The following PARVA variants were observed in gnomAD, a reference collection of about 807,000 sequenced individuals.
PARVA encodes parvin alpha, also known as alpha-parvin.
PARVA carries 25 observed loss-of-function variants against 52.6 expected under a neutral mutation model. That is an observed-to-expected ratio of 0.48 (90% CI 0.35 to 0.66). The LOEUF (loss-of-function observed/expected upper bound fraction) is 0.66. Ranked by LOEUF, PARVA falls within the 30% of genes least tolerant of loss-of-function variation. The pLI is 0.01. For synonymous variants in PARVA, 185 were observed against 179.1 expected (o/e 1.03, Z -0.26); for missense variants, 373 against 450.9 (o/e 0.83, Z 1.56).
Position 12,406,892 on chromosome 11 carries a change from G to A in PARVA, c.136+29109G>A, listed in dbSNP as rs188975089. Among the ~76,000 whole-genome samples the A allele has an allele frequency of 1.3e-3, 194 of 151,882 alleles. 1 individual carries two copies. The highest frequency in any genetic ancestry group is 6.8e-3 in the Middle Eastern group (2 of 292). On this transcript the variant is annotated intron_variant, in intron 1 of 12. Coordinates refer to ENST00000334956, the MANE Select transcript of PARVA (RefSeq NM_018222.5). ...TCACCATGTTAGCCAGGATCGTCTCGATCTCCTGACCTCATGATCCACCTG... is the reference window on the plus strand; with the variant it reads ...TCACCATGTTAGCCAGGATCGTCTCAATCTCCTGACCTCATGATCCACCTG...
intron 1 of PARVA, among the ~76,000 whole-genome samples, chr11:12,438,019 G>A (rs966580128): frequency 1.3e-5 from 2 of 152,144 alleles, no homozygotes; most frequent in Non-Finnish European, 2.9e-5. Context: ...CCAGCACTTT[G>A]GGAGGCCGAG....
intron 1 of PARVA, among the ~76,000 whole-genome samples, chr11:12,401,283 TAATA>T (rs1939823961): frequency 6.6e-6 from 1 of 152,208 alleles, no homozygotes; most frequent in Non-Finnish European, 1.5e-5. Context: ...AAAGCTATGT[TAATA>T]AATATCTACA....
intron 6 of PARVA, among the ~76,000 whole-genome samples, chr11:12,505,175 A>C (rs1941418980): frequency 6.6e-6 from 1 of 152,150 alleles, no homozygotes; most frequent in South Asian, 2.1e-4. Context: ...CATTTAGCAA[A>C]AGGTCATCCT....
intron 1 of PARVA, among the ~76,000 whole-genome samples, chr11:12,455,622 T>C (rs186991897): frequency 9.8e-5 from 15 of 152,292 alleles, no homozygotes; most frequent in Non-Finnish European, 1.8e-4. Context: ...TTCTCATCTA[T>C]TTTTTGTTCT....
chr11:12,533,936 A>C lies in PARVA; in HGVS notation c.*6011A>C, dbSNP rs1941804299. Among the ~76,000 whole-genome samples the C allele has an allele frequency of 6.6e-6, 1 of 152,240 alleles. No homozygotes were observed. Among genetic ancestry groups the C allele is most frequent in the Non-Finnish European group, 1.5e-5 (1 of 68,016 alleles). ...GTAATCCCAGCACTTTGGGAGGCCG[A>C]GACGGACAGATCACAAGGTCAGGAG... On this transcript the variant is annotated 3_prime_UTR_variant, in exon 13 of 13. Transcript: ENST00000334956.
chr11:12,426,517 A>G (rs1440027786), intron 1 of PARVA, among the ~76,000 whole-genome samples: 1 of 151,194 alleles, frequency 6.6e-6, no homozygotes, highest in Non-Finnish European at 1.5e-5. Context: ...AGATGTTTCA[A>G]AGTGCCTAAA....
At chr11:12,448,908 C>T (rs1940584016) in intron 1 of PARVA, among the ~76,000 whole-genome samples, 2 of 152,184 alleles carry the variant, frequency 1.3e-5, no homozygotes, top group Admixed American at 1.3e-4. Context: ...GTACTCTCTC[C>T]CTTCTCTCTG....
chr11:12,459,916 C>T (rs1366548170), intron 1 of PARVA, among the ~76,000 whole-genome samples: 5 of 152,110 alleles, frequency 3.3e-5, no homozygotes, highest in African/African-American at 1.2e-4. Context: ...CAAACAAAAA[C>T]ACTGCTCAAA....
intron 4 of PARVA, among the ~76,000 whole-genome samples, chr11:12,489,671 C>A (rs1332949990): frequency 6.6e-6 from 1 of 152,136 alleles, no homozygotes. Context: ...AGTGACAAAT[C>A]TACACCTACA....
intron 1 of PARVA, among the ~76,000 whole-genome samples, chr11:12,385,918 T>A (rs1939566661): frequency 6.6e-6 from 1 of 152,222 alleles, no homozygotes; most frequent in African/African-American, 2.4e-5. Flanking sequence ...TCCTCCATTT[T>A]ATTCCCCATG....
chr11:12,465,082 C>CAG (rs1234114846), intron 1 of PARVA, among the ~76,000 whole-genome samples: 1 of 152,194 alleles, frequency 6.6e-6, no homozygotes, highest in East Asian at 1.9e-4. Flanking sequence ...TAATACTCAC[C>CAG]TACTGCTCAG....
At chr11:12,497,784 C>T (rs1380053277) in intron 5 of PARVA, among the ~76,000 whole-genome samples, 1 of 152,118 alleles carries the variant, frequency 6.6e-6, no homozygotes, top group Non-Finnish European at 1.5e-5. Context: ...TGGGGGAGAA[C>T]AAGGCAGGGC....
chr11:12,444,335 G>T (rs1276973948), intron 1 of PARVA, among the ~76,000 whole-genome samples: 1 of 152,216 alleles, frequency 6.6e-6, no homozygotes, highest in Non-Finnish European at 1.5e-5. Flanking sequence ...ATAAAGATGG[G>T]TGTTGAGGGC....
intron 6 of PARVA, among the ~76,000 whole-genome samples, chr11:12,506,714 A>G (rs1941435308): frequency 6.6e-6 from 1 of 152,200 alleles, no homozygotes; most frequent in South Asian, 2.1e-4. Flanking sequence ...ATCAGGTTTT[A>G]TGGGGTGTTT....
intron 10 of PARVA, among the ~76,000 whole-genome samples, chr11:12,517,199 C>T (rs1349425531): frequency 6.6e-6 from 1 of 152,106 alleles, no homozygotes; most frequent in Non-Finnish European, 1.5e-5. Flanking sequence ...CTTTCTCAAC[C>T]TCACTCAGGC....
rs879699249 is a variant in PARVA, at chr11:12,534,609, G to C, written c.*6684G>C. On this transcript the variant is annotated 3_prime_UTR_variant, in exon 13 of 13. Transcript: ENST00000334956. The stretch of plus-strand genomic sequence containing the variant: ...GAGATGCAATTTGTTAGCACAGGCT[G>C]TCATTCCAAGACACACAAATGTCAT... Among the ~76,000 whole-genome samples, 13 of 152,222 alleles carry C rather than the reference G, an allele frequency of 8.5e-5. No homozygotes were observed. The highest frequency in any genetic ancestry group is 2.1e-4 in the South Asian group (1 of 4,832).
intron 1 of PARVA, among the ~76,000 whole-genome samples, chr11:12,411,381 G>A (rs1939990751): frequency 6.6e-6 from 1 of 152,110 alleles, no homozygotes; most frequent in Admixed American, 6.6e-5. Flanking sequence ...CATTGGTATG[G>A]TACATTTATT....
At chr11:12,410,652 A>G (rs1289240208) in intron 1 of PARVA, among the ~76,000 whole-genome samples, 1 of 152,210 alleles carries the variant, frequency 6.6e-6, no homozygotes. Flanking sequence ...ACGCCAGCCC[A>G]TCTTTCACAC....
intron 1 of PARVA, among the ~76,000 whole-genome samples, chr11:12,443,918 G>C (rs192998390): frequency 2.0e-5 from 3 of 152,272 alleles, no homozygotes; most frequent in Admixed American, 6.5e-5. Context: ...CTTGTTGTCT[G>C]TGCTCCCATT....
Sources: gnomAD v4.1 joint callset for allele counts (sites outside exome capture counted in the v4.1 genomes callset) on GRCh38, gnomAD v4.1.1 for gene constraint, MANE v1.5 for transcripts, NCBI Gene and HGNC (gene_info 2026-07-23, HGNC 2026-07-21) for gene names.